The following NLGN1 variants were observed in gnomAD, a reference collection of about 807,000 sequenced individuals.
The protein encoded by NLGN1 is neuroligin-1.
In NLGN1, 12 loss-of-function variants were observed where a neutral mutation model predicts 65.5. The observed-to-expected ratio is 0.18, with a 90% CI of 0.12 to 0.30. The LOEUF (loss-of-function observed/expected upper bound fraction) is 0.30. Ranked by LOEUF, NLGN1 falls within the 10% of genes least tolerant of loss-of-function variation. NLGN1 has a pLI of 1.00. For missense variants in NLGN1, 750 were observed against 1,007.1 expected (o/e 0.74, Z 3.46); for synonymous variants, 350 against 359.5 (o/e 0.97, Z 0.30).
chr3:173,487,370 G>T (rs1340431067), intron 2 of NLGN1, among the ~76,000 whole-genome samples: 1 of 151,674 alleles, frequency 6.6e-6, no homozygotes, highest in East Asian at 1.9e-4. Context: ...TAAATCCTTA[G>T]TATTTATTAA....
At chr3:173,915,775 C>CT (rs140153528) in intron 4 of NLGN1, among the ~76,000 whole-genome samples, 6,471 of 151,994 alleles carry the variant, frequency 0.043, 466 homozygotes, top group African/African-American at 0.15. Context: ...ATTGAATAGC[C>CT]TTTTTCTTTC....
At chr3:174,081,424 TTACA>T (rs1560996527) in intron 4 of NLGN1, among the ~76,000 whole-genome samples, 1 of 152,016 alleles carries the variant, frequency 6.6e-6, no homozygotes, top group African/African-American at 2.4e-5. Context: ...CCACTTCCTG[TTACA>T]TATAAGGTGT....
At chr3:173,551,294 A>T (rs1340497436) in intron 2 of NLGN1, among the ~76,000 whole-genome samples, 1 of 152,216 alleles carries the variant, frequency 6.6e-6, no homozygotes, top group African/African-American at 2.4e-5. Context: ...TAGAAAACAA[A>T]CCACAAAACT....
At chr3:173,694,922 A>G (rs1430891069) in intron 3 of NLGN1, among the ~76,000 whole-genome samples, 1 of 152,202 alleles carries the variant, frequency 6.6e-6, no homozygotes, top group Non-Finnish European at 1.5e-5. Context: ...TGAAGTGTGG[A>G]CACATAGTTG....
intron 1 of NLGN1, among the ~76,000 whole-genome samples, chr3:173,431,782 G>A (rs780632474): frequency 1.3e-5 from 2 of 152,056 alleles, no homozygotes; most frequent in Admixed American, 1.3e-4. Flanking sequence ...TACAGTCAGT[G>A]GATTCCATAA....
At chr3:173,767,358 G>A (rs1261604280) in intron 3 of NLGN1, among the ~76,000 whole-genome samples, 1 of 151,900 alleles carries the variant, frequency 6.6e-6, no homozygotes, top group Admixed American at 6.6e-5. Context: ...GATGAGTGAT[G>A]GACAAACCAT....
At chr3:173,687,992 G>A (rs990419012) in intron 3 of NLGN1, among the ~76,000 whole-genome samples, 1 of 152,190 alleles carries the variant, frequency 6.6e-6, no homozygotes, top group East Asian at 1.9e-4. Flanking sequence ...TGGTCAGAAG[G>A]TAATAATAAG....
intron 4 of NLGN1, among the ~76,000 whole-genome samples, chr3:173,860,847 G>A (rs1176750848): frequency 6.6e-6 from 1 of 152,094 alleles, no homozygotes; most frequent in Non-Finnish European, 1.5e-5. Context: ...TGAAGGGGGG[G>A]TTACCTGCTC....
chr3:174,199,089 C>T (rs1290301159), intron 4 of NLGN1, among the ~76,000 whole-genome samples: 3 of 152,048 alleles, frequency 2.0e-5, no homozygotes, highest in Admixed American at 6.6e-5. Flanking sequence ...TCAGGTGATC[C>T]GCCCACCTCG....
At chr3:174,258,860 G>A (rs1371725533) in intron 4 of NLGN1, among the ~76,000 whole-genome samples, 1 of 152,110 alleles carries the variant, frequency 6.6e-6, no homozygotes, top group Non-Finnish European at 1.5e-5. Context: ...AAAGGGAAGG[G>A]AGGAAAAGGA....
downstream of NLGN1, among the ~76,000 whole-genome samples, chr3:174,288,826 T>C (rs144077740): frequency 6.9e-3 from 1,049 of 151,644 alleles, 5 homozygotes; most frequent in Non-Finnish European, 0.012. Context: ...TTACATTCTT[T>C]GTTGGCCATA....
At chr3:174,075,380 C>A (rs1167830024) in intron 4 of NLGN1, among the ~76,000 whole-genome samples, 1 of 152,016 alleles carries the variant, frequency 6.6e-6, no homozygotes, top group Non-Finnish European at 1.5e-5. Flanking sequence ...TGATTTGGAT[C>A]CTTAATCAAT....
intron 4 of NLGN1, among the ~76,000 whole-genome samples, chr3:174,021,426 T>A (rs1727725369): frequency 6.6e-6 from 1 of 152,144 alleles, no homozygotes; most frequent in Non-Finnish European, 1.5e-5. Context: ...TTTTGTGTAA[T>A]GAAATGATGG....
Position 173,860,957 on chromosome 3 carries a change from A to G in NLGN1, c.646+53125A>G, listed in dbSNP as rs1023543781. On this transcript the variant is annotated intron_variant, in intron 4 of 6. Coordinates refer to ENST00000457714, the Ensembl canonical transcript of NLGN1. The stretch of plus-strand genomic sequence containing the variant: ...TGAGACCATCAAGGAACTCATGCCA[A>G]TTGCCTATACTAGTCAACATAAATA... 5.3e-5 allele frequency among the ~76,000 whole-genome samples: 8 copies of G among 152,196 alleles called. No homozygotes were observed. The East Asian group carries it at 5.8e-4, about 11-fold the overall frequency.
At chr3:174,137,973 G>A (rs1721526085) in intron 4 of NLGN1, among the ~76,000 whole-genome samples, 1 of 152,162 alleles carries the variant, frequency 6.6e-6, no homozygotes, top group African/African-American at 2.4e-5. Context: ...TAGCATAGAA[G>A]AAATTGATCA....
At chr3:174,058,277 T>C (rs1445295837) in intron 4 of NLGN1, among the ~76,000 whole-genome samples, 1 of 152,150 alleles carries the variant, frequency 6.6e-6, no homozygotes, top group Non-Finnish European at 1.5e-5. Flanking sequence ...TTTAACTCCA[T>C]TTGCTTGTAC....
At chr3:173,540,975 T>C (rs938704144) in intron 2 of NLGN1, among the ~76,000 whole-genome samples, 1 of 152,064 alleles carries the variant, frequency 6.6e-6, no homozygotes, top group African/African-American at 2.4e-5. Flanking sequence ...AGAAGTTAAT[T>C]GAAGATGTAC....
chr3:174,055,737 T>C (rs138661683), intron 4 of NLGN1, among the ~76,000 whole-genome samples: 1 of 152,122 alleles, frequency 6.6e-6, no homozygotes, highest in African/African-American at 2.4e-5. Context: ...CTCAAGACTT[T>C]TGGTGAGAAG....
chr3:174,105,603 C>T (rs1186744269), intron 4 of NLGN1, among the ~76,000 whole-genome samples: 3 of 148,716 alleles, frequency 2.0e-5, no homozygotes, highest in Non-Finnish European at 4.5e-5. Context: ...TAACTTAAAT[C>T]AGTGACACCA....
Sources: gnomAD v4.1 joint callset for allele counts (sites outside exome capture counted in the v4.1 genomes callset) on GRCh38, gnomAD v4.1.1 for gene constraint, MANE v1.5 for transcripts, NCBI Gene and HGNC (gene_info 2026-07-23, HGNC 2026-07-21) for gene names.